The following EFL1 variants were observed in gnomAD, a reference collection of about 807,000 sequenced individuals.
EFL1 encodes the protein elongation factor-like GTPase 1.
A neutral mutation model predicts 126.7 loss-of-function variants in EFL1; 76 were observed. The ratio of observed to expected loss-of-function variants is 0.60; its 90% CI spans 0.50 to 0.73. The LOEUF (loss-of-function observed/expected upper bound fraction) is 0.73. Ranked by LOEUF, EFL1 falls within the 30% of genes least tolerant of loss-of-function variation. The pLI, the probability that EFL1 is intolerant of heterozygous loss-of-function variation, is 0.00. For synonymous variants in EFL1, 410 were observed against 448.4 expected, an observed-to-expected ratio of 0.91 and a Z score of 1.08; for missense variants, 1,128 against 1,343.2, an observed-to-expected ratio of 0.84 and a Z score of 2.50.
chr15:82,177,650 T>G (rs1478681044), intron 15 of EFL1, among the ~76,000 whole-genome samples: 1 of 152,216 alleles, frequency 6.6e-6, no homozygotes, highest in Non-Finnish European at 1.5e-5. Context: ...GATTTTGGTC[T>G]GCTTCATTTT....
intron 1 of EFL1, 133 bp from the exon 2 acceptor site, chr15:82,261,930 A>C: frequency 4.8e-6 from 3 of 623,206 alleles, no homozygotes; most frequent in Non-Finnish European, 8.3e-6. Flanking sequence ...ATGTTTATTG[A>C]TGAGATAGAC....
Position 82,136,042 on chromosome 15 carries a change from G to T in EFL1, c.3174+2616C>A, listed in dbSNP as rs138867702. ...ATTTTGGGATCCCTTTATTAGAGCA[G>T]TCTTACCTGCTTCCTAACTAATATA... On this transcript the variant is annotated intron_variant, in intron 19 of 19. Transcript: ENST00000268206. Among the ~76,000 whole-genome samples the T allele has an allele frequency of 3.2e-3, 486 of 151,808 alleles. 5 individuals carry two copies. Among genetic ancestry groups the T allele is most frequent in the Admixed American group, 4.8e-3 (73 of 15,244 alleles).
intron 12 of EFL1, among the ~76,000 whole-genome samples, chr15:82,224,610 AACAATATCC>A (rs930217435): frequency 3.3e-5 from 5 of 152,240 alleles, no homozygotes; most frequent in Admixed American, 1.3e-4. Flanking sequence ...AGGTTGCTGC[AACAATATCC>A]ACAAGAGATG....
intron 3 of EFL1, among the ~76,000 whole-genome samples, chr15:82,254,548 T>C (rs1367290527): frequency 6.6e-6 from 1 of 152,198 alleles, no homozygotes; most frequent in Non-Finnish European, 1.5e-5. Flanking sequence ...ATCTTGATCA[T>C]TTCCTTATTT....
chr15:82,190,389 A>G (rs762073734), intron 15 of EFL1, among the ~76,000 whole-genome samples: 37 of 152,342 alleles, frequency 2.4e-4, no homozygotes, highest in Non-Finnish European at 3.5e-4. Context: ...ATTTTGTACA[A>G]GAAGTCTGTT....
intron 18 of EFL1, 115 bp from the exon 19 acceptor site, chr15:82,138,957 A>G: frequency 3.1e-6 from 3 of 980,526 alleles, no homozygotes; most frequent in Non-Finnish European, 4.3e-6. Context: ...TTTGTTCTCA[A>G]TAATGTTGAT....
intron 19 of EFL1, 113 bp from the exon 20 acceptor site, chr15:82,130,674 G>T: frequency 9.2e-7 from 1 of 1,088,312 alleles, no homozygotes; most frequent in South Asian, 1.6e-5. Flanking sequence ...GTTAGGCAAT[G>T]AACAGCTAAG....
At chr15:82,224,916 C>G (rs1417827077) in intron 12 of EFL1, among the ~76,000 whole-genome samples, 2 of 152,206 alleles carry the variant, frequency 1.3e-5, no homozygotes, top group Non-Finnish European at 2.9e-5. Flanking sequence ...CTACTGCTAA[C>G]ATACTCTTCA....
chr15:82,174,174 G>A (rs751291073), intron 15 of EFL1: 1 of 150,342 alleles, frequency 6.7e-6, no homozygotes, highest in Non-Finnish European at 1.5e-5. Context: ...GGGTGACAGA[G>A]CGAGACTCCT....
At chr15:82,189,042 G>T (rs935830636) in intron 15 of EFL1, among the ~76,000 whole-genome samples, 53 of 151,518 alleles carry the variant, frequency 3.5e-4, no homozygotes, top group African/African-American at 1.3e-3. Context: ...TGAACACAGA[G>T]TATACTTACA....
intron 11 of EFL1, among the ~76,000 whole-genome samples, chr15:82,225,920 G>A (rs898659987): frequency 3.3e-5 from 5 of 151,636 alleles, no homozygotes; most frequent in African/African-American, 7.3e-5. Context: ...ATCACCTCAC[G>A]TTAAAATAAT....
intron 15 of EFL1, among the ~76,000 whole-genome samples, chr15:82,179,341 A>T (rs2074225416): frequency 6.6e-6 from 1 of 151,830 alleles, no homozygotes; most frequent in Non-Finnish European, 1.5e-5. Context: ...GTTAACATGA[A>T]TTTTTTTTTA....
At position 82,261,780 on chromosome 15, in the gene EFL1, ATTAC is replaced by A. The variant is rs2075123149; in HGVS notation, c.-6_-3del. The A allele has an allele frequency of 1.9e-6, 3 of 1,613,222 alleles. No homozygotes were observed. Among genetic ancestry groups the A allele is most frequent in the South Asian group, 1.1e-5 (1 of 90,760 alleles). ...CTTATCCAAACTGTTGAGCACCATG[ATTAC>A]TTATTTCCTGTGACTAAAAATTAAA... On this transcript the variant is annotated 5_prime_UTR_variant, in exon 2 of 20. Transcript: ENST00000268206.
In EFL1 at chr15:82,204,252, A is replaced by G. The variant is rs2074501150; in HGVS notation, c.1750+10465T>C. Among the ~76,000 whole-genome samples, 2 of 152,254 alleles carry G rather than the reference A, an allele frequency of 1.3e-5. 1 individual carries two copies. The highest frequency in any genetic ancestry group is 4.2e-4 in the South Asian group (2 of 4,818). On this transcript the variant is annotated intron_variant, in intron 15 of 19. Coordinates refer to ENST00000268206, the MANE Select transcript of EFL1 (RefSeq NM_024580.6). The stretch of plus-strand genomic sequence containing the variant: ...TAATCATATACTTTACATTTTCTGG[A>G]AAGACCGAAAGACCTGCCAAGTCTT...
At position 82,152,120 on chromosome 15, in the gene EFL1, C is replaced by T; in HGVS notation, c.2334G>A (p.Gln778=). ...ENSDLIRSME[Q]LTSSLNEGEN... is the part of the protein sequence containing the mutation. ...CACCCTCATTCAAAGAGGATGTCAACTGCTCCATAGAACGAATCAAATCAC... is the reference window on the plus strand; with the variant it reads ...CACCCTCATTCAAAGAGGATGTCAATTGCTCCATAGAACGAATCAAATCAC... The change falls in exon 18 of 20, where the codon CAG becomes CAA. Residue 778 remains glutamine (Q), a synonymous_variant. Coordinates refer to ENST00000268206, the MANE Select transcript of EFL1 (RefSeq NM_024580.6). 3 of 1,614,188 alleles carry T rather than the reference C, an allele frequency of 1.9e-6. No individual in the cohort carries two copies. The highest frequency in any genetic ancestry group is 1.7e-6 in the Non-Finnish European group (2 of 1,180,038).
At chr15:82,191,170 T>C (rs1174627326) in intron 15 of EFL1, among the ~76,000 whole-genome samples, 1 of 152,154 alleles carries the variant, frequency 6.6e-6, no homozygotes, top group Non-Finnish European at 1.5e-5. Flanking sequence ...ACAAATACTA[T>C]GCATTATTCA....
chr15:82,137,534 T>C (rs887984731), intron 19 of EFL1, among the ~76,000 whole-genome samples: 2 of 152,148 alleles, frequency 1.3e-5, no homozygotes, highest in Admixed American at 1.3e-4. Flanking sequence ...CTAGGTTAGA[T>C]ATTTGACCTA....
At chr15:82,235,219 A>G (rs1248666146) in intron 7 of EFL1, among the ~76,000 whole-genome samples, 2 of 152,214 alleles carry the variant, frequency 1.3e-5, no homozygotes, top group Admixed American at 6.5e-5. Context: ...ATAGATAGTA[A>G]TATCTGTTTC....
At chr15:82,145,074 C>T (rs1279220111) in intron 18 of EFL1, among the ~76,000 whole-genome samples, 2 of 150,888 alleles carry the variant, frequency 1.3e-5, no homozygotes, top group African/African-American at 2.4e-5. Flanking sequence ...GAGGCCGAGG[C>T]GGGTTGATAA....
Sources: allele counts gnomAD v4.1 joint callset (sites outside exome capture counted in the v4.1 genomes callset), GRCh38; gene constraint gnomAD v4.1.1; transcripts MANE v1.5; gene names NCBI Gene and HGNC (gene_info 2026-07-23, HGNC 2026-07-21).